Variants in RPAP2 observed in about 807,000 individuals in gnomAD.
RPAP2 encodes RNA polymerase II associated protein 2, also known as putative RNA polymerase II subunit B1 CTD phosphatase RPAP2.
A neutral mutation model predicts 73.1 loss-of-function variants in RPAP2; 52 were observed. The observed-to-expected ratio is 0.71, with a 90% CI of 0.57 to 0.90. RPAP2 has a LOEUF of 0.90. Ranked by LOEUF, RPAP2 falls within the 40% of genes least tolerant of loss-of-function variation. RPAP2 has a pLI of 0.00. For missense variants in RPAP2, 598 were observed against 701.8 expected (o/e 0.85, Z 1.67); for synonymous variants, 225 against 242.1 (o/e 0.93, Z 0.65).
intron 9 of RPAP2, among the ~76,000 whole-genome samples, chr1:92,334,845 G>A (rs192334503): frequency 5.9e-5 from 9 of 152,050 alleles, no homozygotes; most frequent in East Asian, 5.8e-4. Flanking sequence ...AAAATTAGCC[G>A]GGCGTGGTGG....
In RPAP2 at chr1:92,352,137, C is replaced by G. The variant is rs146767885; in HGVS notation, c.1688+6223C>G. 4.4e-3 allele frequency among the ~76,000 whole-genome samples: 666 copies of G among 152,274 alleles called. 4 individuals are homozygous for G. Among genetic ancestry groups the G allele is most frequent in the South Asian group, 0.015 (72 of 4,816 alleles). On this transcript the variant is annotated intron_variant, in intron 11 of 12. Transcript: ENST00000610020. ...TCAAGACCATCTCCAAAAATGTCTG[C>G]TTTCATTTTATTTATCTGAACTGGC... is the stretch of plus-strand genomic sequence containing the variant.
At chr1:92,371,317 A>T (rs35339687) in intron 11 of RPAP2, among the ~76,000 whole-genome samples, 20,821 of 53,680 alleles carry the variant, frequency 0.39, 2,113 homozygotes, top group East Asian at 0.49. Flanking sequence ...AAAAAAAAAA[A>T]AAATATATAT....
chr1:92,363,249 G>GACTT (rs1257713828), intron 11 of RPAP2, among the ~76,000 whole-genome samples: 1 of 152,184 alleles, frequency 6.6e-6, no homozygotes, highest in African/African-American at 2.4e-5. Flanking sequence ...GATAGAAACA[G>GACTT]ACTTAAGCAT....
intron 5 of RPAP2, 35 bp from the exon 6 acceptor site, chr1:92,307,153 T>C: frequency 7.0e-7 from 1 of 1,436,760 alleles, no homozygotes; most frequent in Non-Finnish European, 9.7e-7. Context: ...TGTTTCATGA[T>C]AAGAAAAAAA....
chr1:92,383,473 G>A (rs1319322533), intron 12 of RPAP2, among the ~76,000 whole-genome samples: 6 of 152,068 alleles, frequency 3.9e-5, no homozygotes, highest in Non-Finnish European at 8.8e-5. Context: ...TCTCCTTGAA[G>A]AGGTCCTTCA....
chr1:92,346,006 C>A, intron 11 of RPAP2, 92 bp downstream of exon 11: 1 of 883,646 alleles, frequency 1.1e-6, no homozygotes, highest in Non-Finnish European at 1.8e-6. Flanking sequence ...TTGTAAACTG[C>A]CTTGGAAAAT....
intron 11 of RPAP2, among the ~76,000 whole-genome samples, chr1:92,379,786 T>C (rs1005815830): frequency 2.0e-5 from 3 of 150,598 alleles, no homozygotes; most frequent in Non-Finnish European, 4.4e-5. Flanking sequence ...AATACAAAAA[T>C]TAGCCAGGCG....
In RPAP2 at chr1:92,395,187, A is replaced by T. The variant is rs765777961; in HGVS notation, c.*8176A>T. ...GATCACACACCTACATGTAAGAGCT[A>T]AAACTATAAAACATGTAGAAGAAAA... On this transcript the variant is annotated 3_prime_UTR_variant, in exon 13 of 13. Coordinates refer to ENST00000610020, the MANE Select transcript of RPAP2 (RefSeq NM_024813.3). 3 of 152,228 alleles carry T rather than the reference A, an allele frequency of 2.0e-5. No homozygotes were observed. Among genetic ancestry groups the T allele is most frequent in the Non-Finnish European group, 4.4e-5 (3 of 68,040 alleles). 9.4% of individuals were successfully genotyped at this position (152,228 alleles called of 1,614,324 possible).
chr1:92,385,155 C>A (rs1655813865), intron 12 of RPAP2, among the ~76,000 whole-genome samples: 1 of 141,166 alleles, frequency 7.1e-6, no homozygotes. Context: ...GCCTGGGCAC[C>A]AGAGCAAGAC....
chr1:92,331,577 G>A (rs1479900794), intron 8 of RPAP2, among the ~76,000 whole-genome samples: 3 of 151,922 alleles, frequency 2.0e-5, no homozygotes, highest in African/African-American at 4.8e-5. Context: ...TACTTTTATT[G>A]CTTCCTGGAC....
At chr1:92,367,106 C>T (rs1654964937) in intron 11 of RPAP2, among the ~76,000 whole-genome samples, 1 of 152,186 alleles carries the variant, frequency 6.6e-6, no homozygotes, top group Non-Finnish European at 1.5e-5. Flanking sequence ...TAGCACTCTT[C>T]TTAGCCAGTA....
At chr1:92,374,966 T>G (rs1655326241) in intron 11 of RPAP2, among the ~76,000 whole-genome samples, 2 of 151,818 alleles carry the variant, frequency 1.3e-5, no homozygotes, top group Admixed American at 6.6e-5. Context: ...ACCACTGAAA[T>G]AAAATAAAAT....
rs1656271775 is a variant in RPAP2, at chr1:92,399,832, A to G, written c.*12821A>G. 1 of 152,202 alleles carries G rather than the reference A, an allele frequency of 6.6e-6. No individual in the cohort carries two copies. The highest frequency in any genetic ancestry group is 2.1e-4 in the South Asian group (1 of 4,830). 9.4% of individuals were successfully genotyped at this position (152,202 alleles called of 1,614,324 possible). ...CAGAGTCACTTTCACTATGGCCACA[A>G]TGGGAGAAAAGACAGTCCACCTTCA... On this transcript the variant is annotated 3_prime_UTR_variant, in exon 13 of 13. Coordinates refer to ENST00000610020, the MANE Select transcript of RPAP2 (RefSeq NM_024813.3).
At chr1:92,309,142 A>G (rs1033824728) in intron 6 of RPAP2, among the ~76,000 whole-genome samples, 1 of 151,786 alleles carries the variant, frequency 6.6e-6, no homozygotes, top group African/African-American at 2.4e-5. Flanking sequence ...ACTAAAAAAG[A>G]AAGATGAAAA....
chr1:92,371,129 ACC>A (rs1655128863), intron 11 of RPAP2, among the ~76,000 whole-genome samples: 1 of 151,754 alleles, frequency 6.6e-6, no homozygotes, highest in Non-Finnish European at 1.5e-5. Context: ...ACATGGTGAA[ACC>A]CCGTCTCTAC....
chr1:92,328,172 T>C (rs1005885214), intron 8 of RPAP2, among the ~76,000 whole-genome samples: 1 of 152,228 alleles, frequency 6.6e-6, no homozygotes, highest in African/African-American at 2.4e-5. Flanking sequence ...CAGGTGTTCT[T>C]TGAGCTTCTT....
intron 8 of RPAP2, among the ~76,000 whole-genome samples, chr1:92,333,089 CAGCACT>C: frequency 6.6e-6 from 1 of 152,072 alleles, no homozygotes; most frequent in South Asian, 2.1e-4. Flanking sequence ...TACATTTGTA[CAGCACT>C]TAGCAGTTTA....
At chr1:92,366,622 C>G (rs4247165) in intron 11 of RPAP2, among the ~76,000 whole-genome samples, 131,410 of 152,200 alleles carry the variant, frequency 0.86, 57,155 homozygotes, top group East Asian at 1. Flanking sequence ...TCCTCAATAA[C>G]AAACAAGCAA....
intron 11 of RPAP2, among the ~76,000 whole-genome samples, chr1:92,360,708 T>G (rs1373122485): frequency 6.6e-6 from 1 of 152,184 alleles, no homozygotes; most frequent in African/African-American, 2.4e-5. Context: ...GCCTTAAATG[T>G]CAGTGTTATT....
Sources: gnomAD v4.1 joint callset for allele counts (sites outside exome capture counted in the v4.1 genomes callset) on GRCh38, gnomAD v4.1.1 for gene constraint, MANE v1.5 for transcripts, NCBI Gene and HGNC (gene_info 2026-07-23, HGNC 2026-07-21) for gene names.